PPP4R3B: variants seen among roughly 807,000 people sequenced by gnomAD.
The protein encoded by PPP4R3B is serine/threonine-protein phosphatase 4 regulatory subunit 3B.
In PPP4R3B, 52 loss-of-function variants were observed where a neutral mutation model predicts 95.4. The observed-to-expected ratio is 0.54, with a 90% CI of 0.44 to 0.69. The LOEUF is 0.69. Among genes scored for constraint, PPP4R3B ranks in the 30% least tolerant of loss-of-function variants. PPP4R3B has a pLI of 0.00. For synonymous variants in PPP4R3B, 407 were observed against 343.9 expected (o/e 1.18, Z -2.03); for missense variants, 1,003 against 1,005.9 (o/e 1.00, Z 0.04).
chr2:55,598,291 G>A, intron 4 of PPP4R3B, 125 bp downstream of exon 4: 1 of 959,522 alleles, frequency 1.0e-6, no homozygotes, highest in Non-Finnish European at 1.5e-6. Flanking sequence ...TACTTTAAAT[G>A]TACTTAATAG....
chr2:55,564,560 A>C, intron 14 of PPP4R3B, 63 bp from the exon 15 acceptor site: 1 of 1,416,760 alleles, frequency 7.1e-7, no homozygotes, highest in Non-Finnish European at 9.4e-7. Context: ...ATTGAACTGA[A>C]GGAAAAATAT....
At chr2:55,595,860 C>A (rs1043660300) in intron 4 of PPP4R3B, among the ~76,000 whole-genome samples, 2 of 151,948 alleles carry the variant, frequency 1.3e-5, no homozygotes, top group African/African-American at 4.8e-5. Flanking sequence ...CTGAGATCCA[C>A]AATACTAAGT....
chr2:55,556,232 A>G (rs940286435), intron 16 of PPP4R3B, among the ~76,000 whole-genome samples: 1 of 152,250 alleles, frequency 6.6e-6, no homozygotes, highest in African/African-American at 2.4e-5. Flanking sequence ...CTACAGTGAT[A>G]GAGCAACTGT....
intron 3 of PPP4R3B, among the ~76,000 whole-genome samples, chr2:55,599,739 AT>A (rs1692289198): frequency 2.0e-5 from 3 of 152,182 alleles, no homozygotes; most frequent in Non-Finnish European, 4.4e-5. Context: ...TCCTATCGTC[AT>A]CCCTTACAGC....
chr2:55,548,193 A>T lies in PPP4R3B; in HGVS notation c.*1718T>A, dbSNP rs1684906808. 6.6e-6 allele frequency: 1 copy of T among 152,452 alleles called. No homozygotes were observed. Among genetic ancestry groups the T allele is most frequent in the Non-Finnish European group, 1.5e-5 (1 of 68,042 alleles). 9.4% of individuals were successfully genotyped at this position (152,452 alleles called of 1,614,324 possible). On this transcript the variant is annotated 3_prime_UTR_variant, in exon 17 of 17. Transcript: ENST00000616407. ...CAAGGCTTACCTTCTATAAGTAGTC[A>T]CTGATAAAGTGCCATTGACCCGCAT...
chr2:55,611,876 G>A lies in PPP4R3B; in HGVS notation c.198+3575C>T, dbSNP rs535150078. 8.1e-4 allele frequency among the ~76,000 whole-genome samples: 123 copies of A among 152,006 alleles called. No individual in the cohort carries two copies. In the Middle Eastern group the frequency reaches 0.01, roughly 13 times the overall value. ...CAGAAGTAGCTGGCACTATAGCTGCGCACCACCACACCTGGATAATTTTTG... is the reference window on the plus strand; with the variant it reads ...CAGAAGTAGCTGGCACTATAGCTGCACACCACCACACCTGGATAATTTTTG... On this transcript the variant is annotated intron_variant, in intron 2 of 16. Coordinates refer to ENST00000616407, the MANE Select transcript of PPP4R3B (RefSeq NM_001122964.3).
chr2:55,563,864 G>A (rs149494433), intron 15 of PPP4R3B, among the ~76,000 whole-genome samples: 7 of 152,214 alleles, frequency 4.6e-5, no homozygotes, highest in African/African-American at 1.7e-4. Context: ...CACTTCTCTT[G>A]TTAGTATATC....
intron 2 of PPP4R3B, among the ~76,000 whole-genome samples, chr2:55,613,198 C>A (rs1363027607): frequency 1.3e-5 from 2 of 151,974 alleles, no homozygotes; most frequent in Admixed American, 6.6e-5. Context: ...TTTAACATAA[C>A]CCCTAAATGG....
At chr2:55,569,306 G>A (rs373943047) in intron 12 of PPP4R3B, among the ~76,000 whole-genome samples, 15 of 152,080 alleles carry the variant, frequency 9.9e-5, no homozygotes, top group South Asian at 2.1e-4. Flanking sequence ...TTAGCAGACC[G>A]GGAAAGGGAG....
chr2:55,597,349 G>A (rs149655112), intron 4 of PPP4R3B, among the ~76,000 whole-genome samples: 40 of 152,150 alleles, frequency 2.6e-4, no homozygotes, highest in Admixed American at 5.2e-4. Flanking sequence ...TGGGCTGGGC[G>A]GGGTGGCTCA....
At chr2:55,563,503 G>A (rs1294358174) in intron 15 of PPP4R3B, among the ~76,000 whole-genome samples, 1 of 152,090 alleles carries the variant, frequency 6.6e-6, no homozygotes, top group East Asian at 1.9e-4. Context: ...CTTCCTAGTA[G>A]CTGGGACTCC....
At chr2:55,568,903 G>C (rs1440247507) in intron 12 of PPP4R3B, among the ~76,000 whole-genome samples, 1 of 152,170 alleles carries the variant, frequency 6.6e-6, no homozygotes, top group East Asian at 1.9e-4. Context: ...TGAAAATACA[G>C]CTAAAGTGTG....
chr2:55,612,013 G>A (rs1694237105), intron 2 of PPP4R3B, among the ~76,000 whole-genome samples: 1 of 152,168 alleles, frequency 6.6e-6, no homozygotes, highest in African/African-American at 2.4e-5. Flanking sequence ...GATTGCAGGT[G>A]TGAGCCACCA....
chr2:55,559,734 T>C (rs1440384097), intron 15 of PPP4R3B, among the ~76,000 whole-genome samples: 1 of 152,208 alleles, frequency 6.6e-6, no homozygotes, highest in Non-Finnish European at 1.5e-5. Context: ...ATACCTCTTT[T>C]CTTCATAAAT....
intron 16 of PPP4R3B, among the ~76,000 whole-genome samples, chr2:55,555,014 C>T (rs1685664327): frequency 6.6e-6 from 1 of 152,126 alleles, no homozygotes; most frequent in Non-Finnish European, 1.5e-5. Flanking sequence ...GGCGCGGTGG[C>T]TCACGCCTGT....
intron 7 of PPP4R3B, among the ~76,000 whole-genome samples, chr2:55,584,280 G>A (rs1253433435): frequency 1.3e-5 from 2 of 152,134 alleles, no homozygotes; most frequent in African/African-American, 4.8e-5. Context: ...AGCTTAAGGG[G>A]AAAATTTAAA....
At chr2:55,590,094 G>A (rs1690791252) in intron 4 of PPP4R3B, among the ~76,000 whole-genome samples, 1 of 150,628 alleles carries the variant, frequency 6.6e-6, no homozygotes, top group South Asian at 2.1e-4. Context: ...TTGGGAGGCT[G>A]AGGCGGGGGG....
In PPP4R3B at chr2:55,586,613, A is replaced by G. The variant is rs559031276; in HGVS notation, c.1116+5T>C. 1.9e-6 allele frequency: 3 copies of G among 1,545,314 alleles called. No individual in the cohort carries two copies. The South Asian group carries it at 3.5e-5, about 18-fold the overall frequency. Reference sequence around the variant, plus strand: ...CAAAAACATGAAAAGAAACGGCATAATTACCATTACAATTTCAAGAGCAGG... The same window carrying G: ...CAAAAACATGAAAAGAAACGGCATAGTTACCATTACAATTTCAAGAGCAGG... On this transcript the variant is annotated splice_donor_5th_base_variant and intron_variant, in intron 6 of 16. Transcript: ENST00000616407.
chr2:55,568,308 A>G lies in PPP4R3B; in HGVS notation c.1821T>C (p.Arg607=), dbSNP rs1343689783. 3 of 1,609,414 alleles carry G rather than the reference A, an allele frequency of 1.9e-6. No individual in the cohort carries two copies. The African/African-American group carries it at 4.0e-5, about 22-fold the overall frequency. The change falls in exon 13 of 17, where the codon CGT becomes CGC. Residue 607 remains arginine, a synonymous_variant. Transcript: ENST00000616407. ...IIGLKDEFYN[R]YITKGNLFEP... is the part of the protein sequence containing the mutation. ...CAAAAAGATTTCCCTTGGTGATGTA[A>G]CGATTATAAAATTCATCTTTAAGTC...
Sources: gnomAD v4.1 joint callset for allele counts (sites outside exome capture counted in the v4.1 genomes callset) on GRCh38, gnomAD v4.1.1 for gene constraint, MANE v1.5 for transcripts, NCBI Gene and HGNC (gene_info 2026-07-23, HGNC 2026-07-21) for gene names.